Variants in PTH2R observed in about 807,000 individuals in gnomAD.
PTH2R encodes the protein parathyroid hormone 2 receptor, also known as PTH2 receptor.
In PTH2R, 59 loss-of-function variants were observed where a neutral mutation model predicts 60.3. The observed-to-expected ratio is 0.98, with a 90% CI of 0.79 to 1.22. The LOEUF is 1.22. Ranked by LOEUF, PTH2R falls within the 50% of genes most tolerant of loss-of-function variation. PTH2R has a pLI of 0.00. For synonymous variants in PTH2R, 256 were observed against 243.8 expected, an observed-to-expected ratio of 1.05 and a Z score of -0.47; for missense variants, 749 against 682.6, an observed-to-expected ratio of 1.10 and a Z score of -1.08.
At chr2:208,449,582 A>G (rs1304080437) in intron 7 of PTH2R, among the ~76,000 whole-genome samples, 1 of 152,222 alleles carries the variant, frequency 6.6e-6, no homozygotes, top group Non-Finnish European at 1.5e-5. Context: ...AGAATACTAT[A>G]GAAACAAGAA....
chr2:208,456,745 GT>G (rs2105884794), intron 8 of PTH2R, among the ~76,000 whole-genome samples: 1 of 152,254 alleles, frequency 6.6e-6, no homozygotes, highest in South Asian at 2.1e-4. Context: ...GAAGGTTAAA[GT>G]TTATTAAAAA....
At chr2:208,370,794 C>T (rs2125869882) in intron 1 of PTH2R, among the ~76,000 whole-genome samples, 1 of 152,100 alleles carries the variant, frequency 6.6e-6, no homozygotes, top group East Asian at 1.9e-4. Flanking sequence ...ATTTGTATTG[C>T]TATGAAGAGA....
At chr2:208,444,654 T>G (rs1702252040) in intron 6 of PTH2R, 80 bp from the exon 7 acceptor site, 2 of 1,377,570 alleles carry the variant, frequency 1.5e-6, no homozygotes, top group Non-Finnish European at 2.0e-6. Context: ...AACTGAAGAC[T>G]TGTTTTTTAG....
intron 9 of PTH2R, among the ~76,000 whole-genome samples, chr2:208,463,948 C>T (rs1306409350): frequency 6.6e-6 from 1 of 152,226 alleles, no homozygotes; most frequent in African/African-American, 2.4e-5. Context: ...TCCCATAAAA[C>T]CTGGCATACC....
chr2:208,464,125 A>G (rs1437889357), intron 9 of PTH2R, among the ~76,000 whole-genome samples: 6 of 152,210 alleles, frequency 3.9e-5, no homozygotes, highest in Non-Finnish European at 7.3e-5. Context: ...CGAGAAATCG[A>G]TATTTACATT....
chr2:208,360,993 G>T, intron 1 of PTH2R: 1 of 226,182 alleles, frequency 4.4e-6, no homozygotes, highest in South Asian at 7.4e-5. Context: ...TGGAGCCAAT[G>T]GGCTTCTTGA....
At chr2:208,427,906 GTATAA>G (rs1291315385) in intron 1 of PTH2R, among the ~76,000 whole-genome samples, 2 of 150,230 alleles carry the variant, frequency 1.3e-5, no homozygotes, top group Non-Finnish European at 3.0e-5. Flanking sequence ...TTTTTTCTTA[GTATAA>G]TATCTCTTTT....
At chr2:208,365,936 A>C (rs1700572604) in intron 1 of PTH2R, among the ~76,000 whole-genome samples, 1 of 8,602 alleles carries the variant, frequency 1.2e-4, no homozygotes, top group African/African-American at 4.0e-4. Flanking sequence ...ATAAATATAT[A>C]TATATATATA....
chr2:208,391,150 A>G (rs1574831771), intron 1 of PTH2R, among the ~76,000 whole-genome samples: 2 of 152,266 alleles, frequency 1.3e-5, no homozygotes, highest in Non-Finnish European at 1.5e-5. Context: ...GAGTGGTCCA[A>G]TTTCCTGGGG....
At chr2:208,442,513 C>T (rs747954236) in intron 5 of PTH2R, 52 bp downstream of exon 5, 1 of 1,340,306 alleles carries the variant, frequency 7.5e-7, no homozygotes, top group Non-Finnish European at 1.1e-6. Flanking sequence ...TCTTTCCTAT[C>T]CAGAGAAGAC....
chr2:208,427,429 G>GACC (rs1452363317), intron 1 of PTH2R, among the ~76,000 whole-genome samples: 33 of 151,978 alleles, frequency 2.2e-4, no homozygotes, highest in Non-Finnish European at 3.8e-4. Flanking sequence ...GTATTATATT[G>GACC]ATAGATAAAT....
At chr2:208,366,700 A>G (rs540502707) in intron 1 of PTH2R, among the ~76,000 whole-genome samples, 141 of 152,262 alleles carry the variant, frequency 9.3e-4, no homozygotes, top group African/African-American at 3.3e-3. Context: ...TTTCTTCTTG[A>G]TACCATTGTA....
chr2:208,425,560 C>T (rs1180477774), intron 1 of PTH2R, among the ~76,000 whole-genome samples: 3 of 152,190 alleles, frequency 2.0e-5, no homozygotes, highest in Non-Finnish European at 4.4e-5. Context: ...ACTGCCTGGC[C>T]CTGCTCTGCA....
intron 12 of PTH2R, among the ~76,000 whole-genome samples, chr2:208,492,911 A>C (rs1703437867): frequency 6.6e-6 from 1 of 152,180 alleles, no homozygotes; most frequent in South Asian, 2.1e-4. Context: ...AGAGTTCTGA[A>C]GTTCTCACTG....
In PTH2R at chr2:208,437,872, CA is replaced by C; in HGVS notation, c.403del (p.Ile135Ter). Reference sequence around the variant, plus strand: ...TTCGCTTTCTGCAGCCAGATATCAGCATAGGAAAGGTAATGGAATTTCTCTA... The same window carrying C: ...TTCGCTTTCTGCAGCCAGATATCAGCTAGGAAAGGTAATGGAATTTCTCTA... ...CLRFLQPDIS[I>X]GKQEFFERLY... On this transcript the variant is annotated frameshift_variant, in exon 4 of 13. Transcript: ENST00000272847. LOFTEE classifies it high-confidence loss of function. 2 of 1,612,398 alleles carry C rather than the reference CA, an allele frequency of 1.2e-6. No homozygotes were observed. The highest frequency in any genetic ancestry group is 1.7e-6 in the Non-Finnish European group (2 of 1,178,640).
intron 1 of PTH2R, among the ~76,000 whole-genome samples, chr2:208,369,338 A>G (rs1574811283): frequency 6.7e-6 from 1 of 149,034 alleles, no homozygotes; most frequent in Non-Finnish European, 1.5e-5. Context: ...CACCACTATG[A>G]CCTTGTCTGT....
intron 8 of PTH2R, among the ~76,000 whole-genome samples, chr2:208,458,997 A>AG (rs1481569783): frequency 7.0e-6 from 1 of 143,568 alleles, no homozygotes; most frequent in Admixed American, 6.9e-5. Context: ...GTTGAATGGT[A>AG]GTTCTTCTTT....
At chr2:208,449,038 G>A (rs1323434323) in intron 7 of PTH2R, among the ~76,000 whole-genome samples, 1 of 152,158 alleles carries the variant, frequency 6.6e-6, no homozygotes, top group Non-Finnish European at 1.5e-5. Flanking sequence ...TACCTGATCA[G>A]AAGAATGTAA....
chr2:208,477,676 CA>C (rs534340378), intron 9 of PTH2R, among the ~76,000 whole-genome samples: 4 of 151,896 alleles, frequency 2.6e-5, no homozygotes, highest in African/African-American at 9.6e-5. Context: ...ACCATATTTA[CA>C]AAAAATTCAT....
Sources: gnomAD v4.1 joint callset for allele counts (sites outside exome capture counted in the v4.1 genomes callset) on GRCh38, gnomAD v4.1.1 for gene constraint, MANE v1.5 for transcripts, NCBI Gene and HGNC (gene_info 2026-07-23, HGNC 2026-07-21) for gene names.